GSAP: variants seen among roughly 807,000 people sequenced by gnomAD.
The protein encoded by GSAP is gamma-secretase-activating protein.
In GSAP, 118 loss-of-function variants were observed where a neutral mutation model predicts 131.7. That is an observed-to-expected ratio of 0.90 (90% CI 0.77 to 1.04). The LOEUF (loss-of-function observed/expected upper bound fraction) is 1.04, where lower values mean the gene tolerates loss of function less well. Ranked by LOEUF, GSAP falls within the 50% of genes least tolerant of loss-of-function variation. The pLI, the probability that GSAP is intolerant of heterozygous loss-of-function variation, is 0.00. For missense variants in GSAP, 1,019 were observed against 1,013.2 expected (o/e 1.01, Z -0.08); for synonymous variants, 381 against 363.4 (o/e 1.05, Z -0.55).
At chr7:77,314,607 C>G in intron 26 of GSAP, 118 bp from the exon 27 acceptor site, 1 of 1,101,000 alleles carries the variant, frequency 9.1e-7, no homozygotes, top group Non-Finnish European at 1.3e-6. Context: ...CTGGAACCAA[C>G]TGAATTTCTT....
intron 5 of GSAP, among the ~76,000 whole-genome samples, chr7:77,391,398 C>T (rs1274000758): frequency 2.6e-5 from 4 of 152,122 alleles, no homozygotes; most frequent in Non-Finnish European, 5.9e-5. Context: ...CATGTGCTTT[C>T]ACAGTGAAAA....
chr7:77,352,654 C>G (rs1375112374), intron 18 of GSAP, among the ~76,000 whole-genome samples: 1 of 152,150 alleles, frequency 6.6e-6, no homozygotes, highest in African/African-American at 2.4e-5. Flanking sequence ...ACTCTAGTCA[C>G]TTAGAAAATA....
intron 5 of GSAP, among the ~76,000 whole-genome samples, chr7:77,391,125 C>CAAAAA (rs3083869): frequency 9.7e-4 from 63 of 65,064 alleles, no homozygotes; most frequent in African/African-American, 2.4e-3. Context: ...GGCTCCGTCT[C>CAAAAA]AAAAAAAAAA....
At chr7:77,386,959 TG>T (rs1222563697) in intron 6 of GSAP, among the ~76,000 whole-genome samples, 2 of 152,218 alleles carry the variant, frequency 1.3e-5, no homozygotes, top group Non-Finnish European at 2.9e-5. Context: ...GAGGAATGAC[TG>T]TATCTATGCC....
At chr7:77,389,391 C>T (rs1282607875) in intron 5 of GSAP, among the ~76,000 whole-genome samples, 3 of 150,560 alleles carry the variant, frequency 2.0e-5, no homozygotes, top group Admixed American at 6.6e-5. Context: ...AAAAAAAAAA[C>T]GCGTCATTTA....
At chr7:77,406,808 G>A (rs1026097770) in intron 1 of GSAP, among the ~76,000 whole-genome samples, 1 of 152,196 alleles carries the variant, frequency 6.6e-6, no homozygotes, top group Admixed American at 6.5e-5. Context: ...TACAGGAGCC[G>A]AGGGTAGGGA....
intron 26 of GSAP, 85 bp from the exon 27 acceptor site, chr7:77,314,574 G>T: frequency 6.7e-7 from 1 of 1,501,506 alleles, no homozygotes; most frequent in Non-Finnish European, 9.2e-7. Context: ...TGTTAATAAA[G>T]CACTTAGTTC....
chr7:77,315,986 T>C (rs1450940950), intron 26 of GSAP: 1 of 152,318 alleles, frequency 6.6e-6, no homozygotes, highest in East Asian at 1.9e-4. Context: ...AGTTCTGTGC[T>C]TATGAGTGCA....
At chr7:77,404,260 T>C (rs1801871809) in intron 3 of GSAP, among the ~76,000 whole-genome samples, 1 of 152,230 alleles carries the variant, frequency 6.6e-6, no homozygotes, top group South Asian at 2.1e-4. Flanking sequence ...TACCTACTGC[T>C]TTCCCACACC....
chr7:77,408,878 T>TA (rs1802785166), intron 1 of GSAP, among the ~76,000 whole-genome samples: 1 of 151,850 alleles, frequency 6.6e-6, no homozygotes, highest in African/African-American at 2.4e-5. Flanking sequence ...AAAGACAAGA[T>TA]AAAAAATAAG....
chr7:77,345,262 T>C (rs1791621784), intron 19 of GSAP, among the ~76,000 whole-genome samples: 1 of 152,152 alleles, frequency 6.6e-6, no homozygotes, highest in Non-Finnish European at 1.5e-5. Context: ...ATATCACCCC[T>C]TACCACAAAA....
At chr7:77,359,013 C>G (rs767644073) in intron 14 of GSAP, among the ~76,000 whole-genome samples, 2 of 152,060 alleles carry the variant, frequency 1.3e-5, no homozygotes, top group African/African-American at 4.8e-5. Context: ...GGTGAAACAT[C>G]GCCTCTACTG....
intron 3 of GSAP, among the ~76,000 whole-genome samples, chr7:77,403,480 AC>A (rs1336309880): frequency 6.6e-6 from 1 of 152,240 alleles, no homozygotes; most frequent in African/African-American, 2.4e-5. Flanking sequence ...AATTGTTTTT[AC>A]ATAGGTACAA....
At chr7:77,405,115 C>T (rs972062680) in intron 2 of GSAP, among the ~76,000 whole-genome samples, 2 of 152,132 alleles carry the variant, frequency 1.3e-5, no homozygotes, top group African/African-American at 4.8e-5. Flanking sequence ...TTAAATTTTC[C>T]TTAGAACACT....
At position 77,329,326 on chromosome 7, in the gene GSAP, C is replaced by A; in HGVS notation, c.1733+7G>T. On this transcript the variant is annotated splice_region_variant and intron_variant, in intron 21 of 30. Transcript: ENST00000257626. ...TTACAGATATGATAACCTCTGCTTT[C>A]ACTTACTTTACTGCATTATCAAGAA... 1 of 1,513,126 alleles carries A rather than the reference C, an allele frequency of 6.6e-7. No homozygotes were observed. The highest frequency in any genetic ancestry group is 1.9e-5 in the Admixed American group (1 of 52,022). The allele number at this position is 1,513,126 out of a possible 1,614,324, so 93.7% of individuals were successfully genotyped here. A position where few individuals can be genotyped will look rare whatever the true frequency, so the allele number is the denominator to read the frequency against.
At chr7:77,356,025 CAA>C (rs1793668543) in intron 14 of GSAP, among the ~76,000 whole-genome samples, 2 of 72,926 alleles carry the variant, frequency 2.7e-5, no homozygotes, top group Non-Finnish European at 5.1e-5. Context: ...CTCCTGGGCT[CAA>C]GCAATCCTCC....
chr7:77,405,923 T>C (rs1398060629), intron 2 of GSAP, 106 bp downstream of exon 2: 2 of 400,232 alleles, frequency 5.0e-6, no homozygotes, highest in Admixed American at 5.6e-5. Flanking sequence ...AGTTTATTCA[T>C]TACCCTTCAA....
At chr7:77,361,164 G>A (rs997445032) in intron 13 of GSAP, among the ~76,000 whole-genome samples, 2 of 152,174 alleles carry the variant, frequency 1.3e-5, no homozygotes, top group African/African-American at 4.8e-5. Context: ...AGGGAGGAGA[G>A]GATCTGAAGG....
intron 19 of GSAP, among the ~76,000 whole-genome samples, chr7:77,339,447 GC>G (rs1212118011): frequency 1.3e-5 from 2 of 152,144 alleles, no homozygotes; most frequent in African/African-American, 4.8e-5. Flanking sequence ...ATACACCTCT[GC>G]CTTCCTTGAT....
Sources: allele counts gnomAD v4.1 joint callset (sites outside exome capture counted in the v4.1 genomes callset), GRCh38; gene constraint gnomAD v4.1.1; transcripts MANE v1.5; gene names NCBI Gene and HGNC (gene_info 2026-07-23, HGNC 2026-07-21).